LINGO2: variants seen among roughly 807,000 people sequenced by gnomAD.
LINGO2 encodes the protein leucine rich repeat and Ig domain containing 2.
A neutral mutation model predicts 30.6 loss-of-function variants in LINGO2; 14 were observed. The ratio of observed to expected loss-of-function variants is 0.46; its 90% CI spans 0.30 to 0.72. The LOEUF is 0.72. LINGO2 is among the 30% of genes least tolerant of loss of function. The pLI is 0.07. For missense variants in LINGO2, 729 were observed against 751.7 expected (o/e 0.97, Z 0.35); for synonymous variants, 317 against 288.5 (o/e 1.10, Z -1.00).
intron 4 of LINGO2, among the ~76,000 whole-genome samples, chr9:28,083,598 C>T (rs1303687647): frequency 6.6e-6 from 1 of 151,966 alleles, no homozygotes; most frequent in East Asian, 1.9e-4. Context: ...TAGATTTGGC[C>T]ACATAATGGT....
chr9:28,939,903 A>C, the LINGO2 span, among the ~76,000 whole-genome samples: 1 of 152,076 alleles, frequency 6.6e-6, no homozygotes, highest in East Asian at 1.9e-4. Context: ...AAGTAGAATA[A>C]ATCTTGAGAG....
At chr9:27,989,239 GTCT>G (rs564613468) in intron 5 of LINGO2, among the ~76,000 whole-genome samples, 90 of 151,942 alleles carry the variant, frequency 5.9e-4, no homozygotes, top group African/African-American at 2.1e-3. Context: ...TCCTCTGCTA[GTCT>G]TCTGATTTAT....
chr9:28,600,527 G>A (rs1330274488), intron 1 of LINGO2, among the ~76,000 whole-genome samples: 2 of 152,056 alleles, frequency 1.3e-5, no homozygotes, highest in Non-Finnish European at 2.9e-5. Context: ...TTGGTCACAT[G>A]GATGCCACTG....
chr9:28,620,869 T>C (rs1826358987), intron 1 of LINGO2, among the ~76,000 whole-genome samples: 1 of 151,974 alleles, frequency 6.6e-6, no homozygotes, highest in Non-Finnish European at 1.5e-5. Context: ...GAAAAACAAC[T>C]AATGGTTACG....
the LINGO2 span, among the ~76,000 whole-genome samples, chr9:28,700,306 T>A: frequency 2.0e-5 from 3 of 152,052 alleles, no homozygotes; most frequent in Non-Finnish European, 2.9e-5. Context: ...TCCAAATTTC[T>A]TCCTTAGCTA....
intron 5 of LINGO2, among the ~76,000 whole-genome samples, chr9:27,964,703 C>T (rs1215020814): frequency 1.3e-5 from 2 of 152,004 alleles, no homozygotes; most frequent in African/African-American, 4.8e-5. Context: ...TCCTCTGGGA[C>T]TGGGGAATTT....
At chr9:28,822,887 T>C in the LINGO2 span, among the ~76,000 whole-genome samples, 1 of 152,268 alleles carries the variant, frequency 6.6e-6, no homozygotes, top group South Asian at 2.1e-4. Context: ...GCACTGGGTA[T>C]AGAAAAGGAA....
chr9:28,029,459 C>T (rs140277136), intron 4 of LINGO2, among the ~76,000 whole-genome samples: 12 of 152,168 alleles, frequency 7.9e-5, no homozygotes, highest in African/African-American at 2.9e-4. Context: ...GCTTGTTGAT[C>T]TGTTTGGCAA....
chr9:28,632,733 T>A (rs1287414390), intron 1 of LINGO2, among the ~76,000 whole-genome samples: 1 of 136,832 alleles, frequency 7.3e-6, no homozygotes, highest in Non-Finnish European at 1.5e-5. Context: ...TATATAGATC[T>A]ATATATTTAT....
chr9:28,098,615 A>G (rs1826319166), intron 4 of LINGO2, among the ~76,000 whole-genome samples: 1 of 152,016 alleles, frequency 6.6e-6, no homozygotes, highest in African/African-American at 2.4e-5. Context: ...TTATTCTGAT[A>G]TTTTTATGTG....
At chr9:29,122,165 A>C in the LINGO2 span, among the ~76,000 whole-genome samples, 1 of 151,982 alleles carries the variant, frequency 6.6e-6, no homozygotes, top group African/African-American at 2.4e-5. Flanking sequence ...AATATTCATT[A>C]GTTATAATAA....
chr9:28,979,724 T>A, the LINGO2 span, among the ~76,000 whole-genome samples: 1 of 152,208 alleles, frequency 6.6e-6, no homozygotes, highest in South Asian at 2.1e-4. Flanking sequence ...AAATCTCAAA[T>A]CCACTAATTA....
chr9:28,282,437 A>G (rs546921770), intron 4 of LINGO2, among the ~76,000 whole-genome samples: 1 of 152,042 alleles, frequency 6.6e-6, no homozygotes, highest in Admixed American at 6.5e-5. Context: ...AAGTCCTCCA[A>G]ATCATGTATT....
chr9:28,744,675 C>T, the LINGO2 span, among the ~76,000 whole-genome samples: 5 of 131,402 alleles, frequency 3.8e-5, no homozygotes, highest in Middle Eastern at 4.4e-3. Flanking sequence ...CTCTCACTGT[C>T]GCTGAGGCTG....
chr9:28,723,968 C>T, the LINGO2 span, among the ~76,000 whole-genome samples: 1 of 151,928 alleles, frequency 6.6e-6, no homozygotes, highest in African/African-American at 2.4e-5. Context: ...TTCCCAGTGA[C>T]AATGCATATA....
intron 4 of LINGO2, among the ~76,000 whole-genome samples, chr9:28,191,362 C>T (rs1288809130): frequency 3.9e-5 from 6 of 152,312 alleles, no homozygotes; most frequent in Admixed American, 3.9e-4. Context: ...CTGCCCAAAA[C>T]TTGGGAACCC....
the LINGO2 span, among the ~76,000 whole-genome samples, chr9:28,700,444 G>GT: frequency 4.6e-5 from 7 of 152,022 alleles, no homozygotes; most frequent in African/African-American, 9.6e-5. Context: ...GTTCCTCCAT[G>GT]TTTTTTTGTG....
At chr9:28,731,151 G>A in the LINGO2 span, among the ~76,000 whole-genome samples, 1 of 151,834 alleles carries the variant, frequency 6.6e-6, no homozygotes, top group African/African-American at 2.4e-5. Flanking sequence ...CACCACACCC[G>A]GCTAATTTTG....
chr9:28,807,015 T>C, the LINGO2 span, among the ~76,000 whole-genome samples: 4 of 151,162 alleles, frequency 2.6e-5, no homozygotes, highest in South Asian at 4.1e-4. Context: ...ATTATTTTTA[T>C]AATTATCATT....
Sources: allele counts gnomAD v4.1 joint callset (sites outside exome capture counted in the v4.1 genomes callset), GRCh38; gene constraint gnomAD v4.1.1; transcripts MANE v1.5; gene names NCBI Gene and HGNC (gene_info 2026-07-23, HGNC 2026-07-21).